The following TRDN variants were observed in gnomAD, a reference collection of about 807,000 sequenced individuals.
TRDN encodes the protein triadin in skeletal muscle.
TRDN carries 161 observed loss-of-function variants against 149.7 expected under a neutral mutation model. That is an observed-to-expected ratio of 1.08 (90% CI 0.95 to 1.23). TRDN has a LOEUF of 1.23. TRDN is among the 50% of genes most tolerant of loss of function. The pLI, the probability that TRDN is intolerant of heterozygous loss-of-function variation, is 0.00. For synonymous variants in TRDN, 294 were observed against 250.5 expected, an observed-to-expected ratio of 1.17 and a Z score of -1.64; for missense variants, 896 against 823.5, an observed-to-expected ratio of 1.09 and a Z score of -1.08.
chr6:123,536,965 T>C (rs902284154), intron 4 of TRDN, among the ~76,000 whole-genome samples: 2 of 152,028 alleles, frequency 1.3e-5, no homozygotes, highest in Admixed American at 6.5e-5. Flanking sequence ...AATTTTTTCA[T>C]GTACTGTTTT....
Position 123,520,664 on chromosome 6 carries a change from T to A in TRDN, c.485-4458A>T, listed in dbSNP as rs185930096. Among the ~76,000 whole-genome samples the A allele has an allele frequency of 3.3e-5, 5 of 152,332 alleles. No homozygotes were observed. In the East Asian group the frequency reaches 9.6e-4, roughly 29 times the overall value. ...TTACGCGTTAAATCACAAAAGATAT[T>A]TTATAATTCTAAAATATTAGTTTTA... is the stretch of plus-strand genomic sequence containing the variant. On this transcript the variant is annotated intron_variant, in intron 5 of 40. Coordinates refer to ENST00000334268, the MANE Select transcript of TRDN (RefSeq NM_006073.4).
chr6:123,484,583 A>G (rs2114779192), intron 9 of TRDN, among the ~76,000 whole-genome samples: 1 of 152,244 alleles, frequency 6.6e-6, no homozygotes, highest in African/African-American at 2.4e-5. Flanking sequence ...TTCAGACTAT[A>G]TTAGAACATG....
intron 21 of TRDN, among the ~76,000 whole-genome samples, chr6:123,347,347 C>T (rs1202978473): frequency 6.6e-6 from 1 of 152,026 alleles, no homozygotes; most frequent in African/African-American, 2.4e-5. Flanking sequence ...TCTCCAGAGA[C>T]ATTAAGTTCT....
intron 24 of TRDN, among the ~76,000 whole-genome samples, chr6:123,285,565 A>T (rs961378987): frequency 3.9e-5 from 6 of 152,114 alleles, no homozygotes; most frequent in African/African-American, 1.4e-4. Context: ...TAAAACTAAG[A>T]CCTGAAACTA....
chr6:123,284,063 A>G (rs1472665691), intron 24 of TRDN, among the ~76,000 whole-genome samples: 2 of 132,932 alleles, frequency 1.5e-5, no homozygotes, highest in African/African-American at 6.0e-5. Flanking sequence ...TAAAAAATAA[A>G]TAAAATGCAC....
At chr6:123,418,047 G>A (rs1773728895) in intron 12 of TRDN, among the ~76,000 whole-genome samples, 1 of 152,030 alleles carries the variant, frequency 6.6e-6, no homozygotes, top group Admixed American at 6.5e-5. Flanking sequence ...ACTCATCCAG[G>A]ACTGGGTAAG....
chr6:123,545,906 G>A (rs1781087546), intron 4 of TRDN, among the ~76,000 whole-genome samples: 1 of 151,836 alleles, frequency 6.6e-6, no homozygotes, highest in African/African-American at 2.4e-5. Context: ...CAAAAGAAAA[G>A]ATTTTTTATT....
At chr6:123,620,174 T>C (rs1214131186) in intron 1 of TRDN, among the ~76,000 whole-genome samples, 1 of 152,194 alleles carries the variant, frequency 6.6e-6, no homozygotes, top group Non-Finnish European at 1.5e-5. Context: ...AGGGAATTTG[T>C]TTTTAAAGTC....
chr6:123,351,202 AT>A, intron 21 of TRDN: 1 of 983,508 alleles, frequency 1.0e-6, no homozygotes, highest in Non-Finnish European at 1.2e-6. Flanking sequence ...GTTGAAATTG[AT>A]TTTATAAGAA....
intron 4 of TRDN, among the ~76,000 whole-genome samples, chr6:123,534,571 C>T (rs2114361717): frequency 6.6e-6 from 1 of 152,232 alleles, no homozygotes; most frequent in East Asian, 1.9e-4. Flanking sequence ...AGGTATTTTT[C>T]TCATAGGGAG....
chr6:123,598,957 G>A (rs572753421), intron 1 of TRDN, among the ~76,000 whole-genome samples: 7 of 152,200 alleles, frequency 4.6e-5, no homozygotes, highest in Non-Finnish European at 8.8e-5. Flanking sequence ...GCTAGGATGG[G>A]ACAGTGCTGG....
At chr6:123,264,672 TGTCA>T (rs1469090244) in intron 33 of TRDN, among the ~76,000 whole-genome samples, 1 of 40,354 alleles carries the variant, frequency 2.5e-5, no homozygotes, top group Non-Finnish European at 4.5e-5. Flanking sequence ...AGAAATCTTT[TGTCA>T]GTCAATCAAT....
chr6:123,575,624 A>G (rs963611226), intron 1 of TRDN, among the ~76,000 whole-genome samples: 17 of 152,060 alleles, frequency 1.1e-4, no homozygotes, highest in Admixed American at 3.3e-4. Context: ...ATTTCATACA[A>G]AATTTTGATT....
chr6:123,278,785 A>G (rs1364882715), intron 25 of TRDN, among the ~76,000 whole-genome samples: 1 of 152,206 alleles, frequency 6.6e-6, no homozygotes, highest in Non-Finnish European at 1.5e-5. Flanking sequence ...ATTTTTTTTG[A>G]GAAAATAATG....
intron 24 of TRDN, among the ~76,000 whole-genome samples, chr6:123,294,488 G>A (rs555256692): frequency 6.2e-4 from 94 of 152,270 alleles, no homozygotes; most frequent in African/African-American, 2.1e-3. Context: ...GGTGTGGATA[G>A]GGGTGATGGT....
intron 8 of TRDN, chr6:123,498,156 G>A (rs2114815705): frequency 6.1e-6 from 1 of 162,986 alleles, no homozygotes; most frequent in African/African-American, 2.4e-5. Context: ...CCTGAAATAT[G>A]CATTTTATTA....
intron 24 of TRDN, among the ~76,000 whole-genome samples, chr6:123,306,204 G>A (rs934574777): frequency 1.3e-5 from 2 of 152,054 alleles, no homozygotes; most frequent in African/African-American, 4.8e-5. Flanking sequence ...TTTGATGCTG[G>A]GATCCAGCCA....
intron 26 of TRDN, among the ~76,000 whole-genome samples, chr6:123,278,010 GT>G (rs1777436907): frequency 1.3e-5 from 2 of 152,152 alleles, no homozygotes; most frequent in African/African-American, 2.4e-5. Flanking sequence ...GAGAGCAGAT[GT>G]TTTGCTGATT....
At chr6:123,339,842 A>G (rs1780004750) in intron 21 of TRDN, among the ~76,000 whole-genome samples, 1 of 152,184 alleles carries the variant, frequency 6.6e-6, no homozygotes, top group Non-Finnish European at 1.5e-5. Flanking sequence ...CTGTATTGAC[A>G]TATCATTTAT....
Sources: gnomAD v4.1 joint callset for allele counts (sites outside exome capture counted in the v4.1 genomes callset) on GRCh38, gnomAD v4.1.1 for gene constraint, MANE v1.5 for transcripts, NCBI Gene and HGNC (gene_info 2026-07-23, HGNC 2026-07-21) for gene names.